Variants in COL22A1 observed in about 807,000 individuals in gnomAD.
COL22A1 encodes collagen alpha-1(XXII) chain.
A neutral mutation model predicts 248.9 loss-of-function variants in COL22A1; 221 were observed. The ratio of observed to expected loss-of-function variants is 0.89; its 90% CI spans 0.80 to 0.99. The LOEUF is 0.99. Among genes scored for constraint, COL22A1 ranks in the 50% least tolerant of loss-of-function variants. The pLI, the probability that COL22A1 is intolerant of heterozygous loss-of-function variation, is 0.00. For missense variants in COL22A1, 2,240 were observed against 2,179.0 expected (o/e 1.03, Z -0.56); for synonymous variants, 891 against 793.4 (o/e 1.12, Z -2.07).
At chr8:138,669,541 C>T (rs1473614265) in intron 41 of COL22A1, among the ~76,000 whole-genome samples, 2 of 152,198 alleles carry the variant, frequency 1.3e-5, no homozygotes, top group Non-Finnish European at 2.9e-5. Context: ...CGCTTAGAAA[C>T]AAAGAGTGCA....
intron 3 of COL22A1, among the ~76,000 whole-genome samples, chr8:138,862,026 TAA>T (rs386414193): frequency 0.039 from 3,636 of 93,268 alleles, 79 homozygotes; most frequent in Middle Eastern, 0.08. Flanking sequence ...CTGTCTCTAC[TAA>T]AAAAAAAAAA....
intron 47 of COL22A1, among the ~76,000 whole-genome samples, chr8:138,642,417 C>T (rs1821794835): frequency 6.6e-6 from 1 of 152,206 alleles, no homozygotes; most frequent in Non-Finnish European, 1.5e-5. Flanking sequence ...GCCTGGGGCT[C>T]ATCATGCAGG....
intron 41 of COL22A1, among the ~76,000 whole-genome samples, chr8:138,664,209 G>GCGCACACA (rs1440442280): frequency 2.0e-4 from 21 of 103,200 alleles, no homozygotes; most frequent in African/African-American, 5.2e-4. Context: ...GCGCGCGCGC[G>GCGCACACA]CACACACACA....
chr8:138,841,192 C>T (rs1341421231), intron 4 of COL22A1, among the ~76,000 whole-genome samples: 2 of 152,130 alleles, frequency 1.3e-5, no homozygotes, highest in East Asian at 1.9e-4. Flanking sequence ...TATATCCATC[C>T]ATTCATTTCA....
At chr8:138,868,315 A>C in intron 3 of COL22A1, among the ~76,000 whole-genome samples, 1 of 152,118 alleles carries the variant, frequency 6.6e-6, no homozygotes, top group African/African-American at 2.4e-5. Flanking sequence ...CCAAGGGGGC[A>C]AAATTCAGTT....
chr8:138,884,627 C>A (rs1482360245), intron 1 of COL22A1, among the ~76,000 whole-genome samples: 1 of 152,128 alleles, frequency 6.6e-6, no homozygotes, highest in Non-Finnish European at 1.5e-5. Context: ...CAGGTGTTTA[C>A]AATGACCAGA....
rs767135670 is a variant in COL22A1 at position 138,821,378 on chromosome 8, C to T, written c.1003G>A (p.Val335Ile). The change falls in exon 7 of 65, where the codon GTC (valine) becomes ATC (isoleucine). Residue 335 changes from valine (V) to isoleucine (I), a missense_variant. Physicochemically the swap from Val to Ile is conservative, Grantham distance 29. Coordinates refer to ENST00000303045, the MANE Select transcript of COL22A1 (RefSeq NM_152888.3). ...SIRLDGENKA[V>I]EYNAVGAMKD... ...ATGGCACCCACAGCGTTGTACTCGA[C>T]TGCCTTGTTTTCACCATCCAGCCGG... The T allele has an allele frequency of 1.2e-6, 2 of 1,614,026 alleles. No homozygotes were observed. The highest frequency in any genetic ancestry group is 2.2e-5 in the South Asian group (2 of 91,060).
intron 31 of COL22A1, among the ~76,000 whole-genome samples, 188 bp downstream of exon 31, chr8:138,703,118 A>G (rs1056096634): frequency 1.3e-5 from 2 of 152,234 alleles, no homozygotes; most frequent in Admixed American, 6.5e-5. Flanking sequence ...GAATAAATCA[A>G]TAAGCATAGG....
At chr8:138,773,311 C>T (rs761438235) in intron 16 of COL22A1, among the ~76,000 whole-genome samples, 45 of 152,180 alleles carry the variant, frequency 3.0e-4, no homozygotes, top group African/African-American at 9.2e-4. Context: ...GGCTGCCCCC[C>T]GAGGGACCAC....
rs75414226 is a variant in COL22A1, at chr8:138,619,970, A to G, written c.3772-462T>C. ...AGGCTGAATTCCAGCTGAGCGCCAC[A>G]CCTAAGCGGATGCTCTTTCCAGGTC... is the stretch of plus-strand genomic sequence containing the variant. On this transcript the variant is annotated intron_variant, in intron 52 of 64. Transcript: ENST00000303045. The G allele has an allele frequency of 5.7e-3, 1,002 of 175,718 alleles. 9 individuals are homozygous for G. Among genetic ancestry groups the G allele is most frequent in the African/African-American group, 0.023 (959 of 42,280 alleles). The allele number at this position is 175,718 out of a possible 1,614,324, so 10.9% of individuals were successfully genotyped here.
In COL22A1 at chr8:138,598,842, C is replaced by A; in HGVS notation, c.4242G>T (p.Gly1414=). The stretch of plus-strand genomic sequence containing the variant: ...CTTTGTGGCCTGGGATTCCAGGGTC[C>A]CCAGGCTGGCCTTTTCCACCAGGAG... ...KGPPGGKGQP[G]DPGIPGHKGH... is the part of the protein sequence containing the mutation. The change falls in exon 61 of 65, where the codon GGG becomes GGT. Residue 1414 remains glycine, a synonymous_variant. Transcript: ENST00000303045. The A allele has an allele frequency of 6.2e-7, 1 of 1,614,176 alleles. No homozygotes were observed.
intron 46 of COL22A1, among the ~76,000 whole-genome samples, chr8:138,647,754 T>TCAGAATCAC (rs1341090413): frequency 6.6e-6 from 1 of 152,128 alleles, no homozygotes; most frequent in African/African-American, 2.4e-5. Context: ...GTTCTGAACA[T>TCAGAATCAC]CAGAATCACT....
rs1819618726 is a variant in COL22A1, at chr8:138,826,779, T to A, written c.848A>T (p.Asp283Val). 1.9e-6 allele frequency: 3 copies of A among 1,613,892 alleles called. No individual in the cohort carries two copies. Among genetic ancestry groups the A allele is most frequent in the East Asian group, 2.2e-5 (1 of 44,852 alleles). The part of the protein sequence containing the change: ...GSFPVVQSTE[D>V]VFPQGLPDEY... ...ATCAGGTAAACCTTGGGGGAACACATCCCTGGAGAAAAATGGAGACAAAGA... is the reference window on the plus strand; with the variant it reads ...ATCAGGTAAACCTTGGGGGAACACAACCCTGGAGAAAAATGGAGACAAAGA... Residue 283 changes from aspartate (D) to valine (V), a missense_variant and splice_region_variant, in exon 6 of 65, where the codon GAT becomes GTT. Transcript: ENST00000303045.
intron 11 of COL22A1, among the ~76,000 whole-genome samples, chr8:138,800,059 G>A (rs1236519083): frequency 6.6e-6 from 1 of 152,172 alleles, no homozygotes; most frequent in Non-Finnish European, 1.5e-5. Context: ...CGTTCCTAAG[G>A]ATTGTACCCT....
intron 5 of COL22A1, chr8:138,827,136 C>G (rs1473264568): frequency 3.7e-6 from 1 of 270,962 alleles, no homozygotes; most frequent in Non-Finnish European, 7.4e-6. Context: ...TTCGCTGCTC[C>G]CTGCTGCATC....
rs1310259189 is a variant in COL22A1 at position 138,716,686 on chromosome 8, C to T, written c.2400+139G>A. On this transcript the variant is annotated intron_variant, in intron 28 of 64. Coordinates refer to ENST00000303045, the MANE Select transcript of COL22A1 (RefSeq NM_152888.3). Reference sequence around the variant, plus strand: ...CATCTGTTCAATTGTTCTTCAATGTCCAGTTTATCCTGGACATATAGTGAG... The same window carrying T: ...CATCTGTTCAATTGTTCTTCAATGTTCAGTTTATCCTGGACATATAGTGAG... The T allele has an allele frequency of 5.9e-6, 4 of 674,944 alleles. No homozygotes were observed. In the African/African-American group the frequency reaches 7.2e-5, roughly 12 times the overall value. 41.8% of individuals were successfully genotyped at this position (674,944 alleles called of 1,614,324 possible).
chr8:138,847,590 A>C (rs1056262299), intron 3 of COL22A1, among the ~76,000 whole-genome samples: 1 of 152,192 alleles, frequency 6.6e-6, no homozygotes, highest in African/African-American at 2.4e-5. Context: ...CAAGGAAACA[A>C]ATAACCAAAG....
intron 21 of COL22A1, among the ~76,000 whole-genome samples, chr8:138,751,767 C>A (rs1346750022): frequency 6.6e-6 from 1 of 152,234 alleles, no homozygotes; most frequent in Non-Finnish European, 1.5e-5. Context: ...GTACTGTAAG[C>A]ATCCAACAGC....
chr8:138,644,916 T>G (rs918691038), intron 47 of COL22A1, among the ~76,000 whole-genome samples: 2 of 152,134 alleles, frequency 1.3e-5, no homozygotes, highest in African/African-American at 4.8e-5. Context: ...TGCAATCCTA[T>G]GTGAGAAATA....
Sources: gnomAD v4.1 joint callset for allele counts (sites outside exome capture counted in the v4.1 genomes callset) on GRCh38, gnomAD v4.1.1 for gene constraint, MANE v1.5 for transcripts, NCBI Gene and HGNC (gene_info 2026-07-23, HGNC 2026-07-21) for gene names.